ZNF518A: variants seen among roughly 807,000 people sequenced by gnomAD.
ZNF518A encodes zinc finger protein 518.
Under a neutral mutation model 102.7 loss-of-function variants are expected in ZNF518A, and 47 were observed. That is an observed-to-expected ratio of 0.46 (90% CI 0.36 to 0.58). The LOEUF is 0.58. Ranked by LOEUF, ZNF518A falls within the 20% of genes least tolerant of loss-of-function variation. The pLI is 0.00. For missense variants in ZNF518A, 1,793 were observed against 1,699.8 expected, an observed-to-expected ratio of 1.05 and a Z score of -0.96; for synonymous variants, 652 against 594.6, an observed-to-expected ratio of 1.10 and a Z score of -1.40.
chr10:96,139,533 A>G lies in ZNF518A; in HGVS notation c.-302+5885A>G, dbSNP rs1240022492. Reference sequence around the variant, plus strand: ...GGCCCTCCCCAGACACCAAATCGCCAGTGCCTTGATCTTAGACTTCCTAGG... The same window carrying G: ...GGCCCTCCCCAGACACCAAATCGCCGGTGCCTTGATCTTAGACTTCCTAGG... On this transcript the variant is annotated intron_variant, in intron 3 of 5. Transcript: ENST00000316045. Among the ~76,000 whole-genome samples the G allele has an allele frequency of 2.6e-5, 4 of 152,344 alleles. No homozygotes were observed. In the East Asian group the frequency reaches 7.7e-4, roughly 29 times the overall value.
At chr10:96,173,923 A>G (rs1554891195) in intron 1 of ZNF518A, among the ~76,000 whole-genome samples, 1 of 152,186 alleles carries the variant, frequency 6.6e-6, no homozygotes, top group African/African-American at 2.4e-5. Context: ...CTCCAACCAC[A>G]ATAGAATTAA....
intron 3 of ZNF518A, among the ~76,000 whole-genome samples, chr10:96,148,243 C>T (rs1166658647): frequency 6.6e-6 from 1 of 152,120 alleles, no homozygotes; most frequent in Non-Finnish European, 1.5e-5. Flanking sequence ...AGTTCGATAA[C>T]CAGCCTGACC....
downstream of ZNF518A, chr10:96,204,459 G>T: frequency 6.9e-7 from 1 of 1,445,524 alleles, no homozygotes; most frequent in Non-Finnish European, 9.7e-7. Flanking sequence ...GTGTCACTGT[G>T]CAGTGAAACA....
chr10:96,192,598 C>T (rs1554893763), intron 1 of ZNF518A, among the ~76,000 whole-genome samples: 1 of 151,988 alleles, frequency 6.6e-6, no homozygotes, highest in African/African-American at 2.4e-5. Flanking sequence ...TTCATATTTC[C>T]ATTTTTACTT....
At position 96,156,985 on chromosome 10, in the gene ZNF518A, A is replaced by T. The variant is rs782316301; in HGVS notation, c.663A>T (p.Thr221=). 1.2e-5 allele frequency: 20 copies of T among 1,613,794 alleles called. No individual in the cohort carries two copies. In the Admixed American group the frequency reaches 3.3e-4, roughly 27 times the overall value. ...AGTTCTCCACCCAGGATGTTGGCAC[A>T]TTTGTTCAGCACATTCATAGACATA... ...KCKFSTQDVG[T]FVQHIHRHNE... The change falls in exon 6 of 6, where the codon ACA becomes ACT. Residue 221 remains threonine, a synonymous_variant. Coordinates refer to ENST00000316045, the MANE Select transcript of ZNF518A (RefSeq NM_001330736.2).
At chr10:96,197,728 A>C (rs373475661) in intron 1 of ZNF518A, among the ~76,000 whole-genome samples, 6 of 152,108 alleles carry the variant, frequency 3.9e-5, no homozygotes, top group African/African-American at 1.4e-4. Context: ...TCATTATGAA[A>C]ATTCTCTCCT....
At chr10:96,195,773 T>C (rs1319907581) in intron 1 of ZNF518A, among the ~76,000 whole-genome samples, 1 of 152,220 alleles carries the variant, frequency 6.6e-6, no homozygotes, top group African/African-American at 2.4e-5. Flanking sequence ...ACACTTAAAA[T>C]GATTAAGATG....
chr10:96,148,042 G>T (rs2082250457), intron 3 of ZNF518A, among the ~76,000 whole-genome samples: 1 of 151,734 alleles, frequency 6.6e-6, no homozygotes, highest in Non-Finnish European at 1.5e-5. Context: ...CCCCTTTTTG[G>T]TTATGTTTTC....
chr10:96,141,708 C>A (rs1180795428), intron 3 of ZNF518A, among the ~76,000 whole-genome samples: 1 of 151,322 alleles, frequency 6.6e-6, no homozygotes, highest in Non-Finnish European at 1.5e-5. Context: ...TATTTAATTA[C>A]TTTTGCATAT....
intron 1 of ZNF518A, among the ~76,000 whole-genome samples, chr10:96,182,062 A>G (rs1306709400): frequency 6.6e-6 from 1 of 152,112 alleles, no homozygotes; most frequent in African/African-American, 2.4e-5. Flanking sequence ...CATCCCTTGT[A>G]AGTTGGATTC....
Position 96,159,308 on chromosome 10 carries a change from G to A in ZNF518A, c.2986G>A (p.Glu996Lys), listed in dbSNP as rs782309720. 54 of 1,613,296 alleles carry A rather than the reference G, an allele frequency of 3.3e-5. No homozygotes were observed. The East Asian group carries it at 8.5e-4, about 25-fold the overall frequency. ...TGAAGGTGTTTCCGCTGTCAAAACC[G>A]AGGGTGCCCCAGCTCGTGGAACTGT... ...KLEGVSAVKT[E>K]GAPARGTVTK... Residue 996 changes from glutamate (E) to lysine (K), a missense_variant, in exon 6 of 6, where the codon GAG becomes AAG. Physicochemically the swap from Glu to Lys is moderately conservative, Grantham distance 56 (BLOSUM62 1). Coordinates refer to ENST00000316045, the MANE Select transcript of ZNF518A (RefSeq NM_001330736.2).
chr10:96,197,913 C>CAAAA (rs587730449), intron 1 of ZNF518A, among the ~76,000 whole-genome samples: 1 of 128,310 alleles, frequency 7.8e-6, no homozygotes, highest in Non-Finnish European at 1.6e-5. Context: ...GAGACAACAT[C>CAAAA]AAAAAAAAAA....
At chr10:96,175,872 T>TCCCTCCCG (rs2083200208) in intron 1 of ZNF518A, among the ~76,000 whole-genome samples, 1 of 48,536 alleles carries the variant, frequency 2.1e-5, no homozygotes. Context: ...CCTGCCTCCC[T>TCCCTCCCG]CCCTCCCTTC....
intron 3 of ZNF518A, among the ~76,000 whole-genome samples, chr10:96,152,395 G>C (rs1408523592): frequency 6.6e-6 from 1 of 152,176 alleles, no homozygotes; most frequent in Non-Finnish European, 1.5e-5. Flanking sequence ...TAGGTTGGAG[G>C]ATTACAATTG....
intron 3 of ZNF518A, among the ~76,000 whole-genome samples, chr10:96,137,960 C>T (rs782781067): frequency 6.6e-6 from 1 of 152,114 alleles, no homozygotes; most frequent in African/African-American, 2.4e-5. Flanking sequence ...TTTTATATCT[C>T]GGTGAATAGC....
At chr10:96,187,533 G>C (rs2083279482) in intron 1 of ZNF518A, among the ~76,000 whole-genome samples, 1 of 152,190 alleles carries the variant, frequency 6.6e-6, no homozygotes, top group Admixed American at 6.5e-5. Flanking sequence ...AGAGTGCAAG[G>C]TCTCCAAACC....
rs782347464 is a variant in ZNF518A at position 96,156,647 on chromosome 10, G to A, written c.325G>A (p.Gly109Ser). The A allele has an allele frequency of 1.9e-6, 3 of 1,613,730 alleles. No individual in the cohort carries two copies. The highest frequency in any genetic ancestry group is 4.5e-5 in the East Asian group (2 of 44,866). ...LHKSERAEEE[G>S]VKMSAKILNF... ...TAAGTCTGAGAGAGCTGAAGAAGAGGGTGTAAAAATGTCTGCAAAAATACT... is the reference window on the plus strand; with the variant it reads ...TAAGTCTGAGAGAGCTGAAGAAGAGAGTGTAAAAATGTCTGCAAAAATACT... The change falls in exon 6 of 6, where the codon GGT becomes AGT. Residue 109 changes from glycine to serine, a missense_variant. Physicochemically the swap from Gly to Ser is moderately conservative, Grantham distance 56 (BLOSUM62 0). This residue lies in a region of ZNF518A where 1,741 missense variants were observed against 1,622.6 expected (regional missense o/e 1.07). Coordinates refer to ENST00000316045, the MANE Select transcript of ZNF518A (RefSeq NM_001330736.2).
At chr10:96,171,565 G>T (rs901986504) in intron 1 of ZNF518A, among the ~76,000 whole-genome samples, 1 of 152,118 alleles carries the variant, frequency 6.6e-6, no homozygotes, top group Non-Finnish European at 1.5e-5. Flanking sequence ...AAAGGACAAG[G>T]AGTGATAAAA....
intron 1 of ZNF518A, among the ~76,000 whole-genome samples, chr10:96,185,026 T>G (rs1554892423): frequency 6.6e-6 from 1 of 152,190 alleles, no homozygotes; most frequent in Non-Finnish European, 1.5e-5. Flanking sequence ...TCTCTAAACT[T>G]CTCTTCACAC....
Sources: allele counts gnomAD v4.1 joint callset (sites outside exome capture counted in the v4.1 genomes callset), GRCh38; gene constraint gnomAD v4.1.1; regional missense constraint gnomAD v4.1.1; transcripts MANE v1.5; gene names NCBI Gene and HGNC (gene_info 2026-07-23, HGNC 2026-07-21).